Variants in BAZ1B observed in about 807,000 individuals in gnomAD.
BAZ1B encodes the protein bromodomain adjacent to zinc finger domain 1B.
BAZ1B carries 22 observed loss-of-function variants against 153.8 expected under a neutral mutation model. The observed-to-expected ratio is 0.14, with a 90% CI of 0.10 to 0.20. BAZ1B has a LOEUF of 0.20. Ranked by LOEUF, BAZ1B falls within the 10% of genes least tolerant of loss-of-function variation. The probability of loss-of-function intolerance (pLI) is 1.00; values close to 1 mark genes in which losing one functional copy is unlikely to be tolerated. For synonymous variants in BAZ1B, 676 were observed against 633.4 expected, an observed-to-expected ratio of 1.07 and a Z score of -1.01; for missense variants, 1,325 against 1,799.3, an observed-to-expected ratio of 0.74 and a Z score of 4.77.
intron 3 of BAZ1B, among the ~76,000 whole-genome samples, chr7:73,506,725 C>T (rs1790357951): frequency 6.8e-6 from 1 of 148,056 alleles, no homozygotes; most frequent in African/African-American, 2.5e-5. Flanking sequence ...GTGGCAGGCG[C>T]CTGTAGTCCC....
chr7:73,477,686 G>A lies in BAZ1B; in HGVS notation c.1775C>T (p.Ala592Val), dbSNP rs781920384. 76 of 1,614,056 alleles carry A rather than the reference G, an allele frequency of 4.7e-5. No individual in the cohort carries two copies. Among genetic ancestry groups the A allele is most frequent in the Non-Finnish European group, 6.4e-5 (75 of 1,180,036 alleles). ...DQELTGKNLP[A>V]FRLVDTPEGL... ...TTCAGGGGTATCCACCAATCTGAAT[G>A]CTGGAAGGTTTTTGCCAGTTAACTC... The change falls in exon 7 of 20, where the codon GCA (alanine) becomes GTA (valine). Residue 592 changes from alanine to valine, a missense_variant. This residue lies in a region of BAZ1B where 154 missense variants were observed against 266.3 expected (regional missense o/e 0.58). Coordinates refer to ENST00000339594, the MANE Select transcript of BAZ1B (RefSeq NM_032408.4). This position sits in a 1 kb window ranked among gnomAD's most constrained non-coding sequence, Gnocchi z 5.6.
intron 7 of BAZ1B, among the ~76,000 whole-genome samples, chr7:73,470,865 C>T (rs899680142): frequency 1.3e-5 from 2 of 152,126 alleles, no homozygotes; most frequent in East Asian, 1.9e-4. Context: ...CCTCCTGTGT[C>T]GCTGGACTAC....
intron 3 of BAZ1B, among the ~76,000 whole-genome samples, chr7:73,499,823 C>T (rs1790054295): frequency 6.6e-6 from 1 of 152,156 alleles, no homozygotes; most frequent in Non-Finnish European, 1.5e-5. Context: ...GAAATCTATC[C>T]TCTGATACTT....
In BAZ1B at chr7:73,477,421, T is replaced by C. The variant is rs782441374; in HGVS notation, c.2040A>G (p.Glu680=). Residue 680 remains glutamate, a synonymous_variant, in exon 7 of 20, where the codon GAA becomes GAG. Coordinates refer to ENST00000339594, the MANE Select transcript of BAZ1B (RefSeq NM_032408.4). This position sits in a 1 kb window ranked among gnomAD's most constrained non-coding sequence, Gnocchi z 5.6. ...DYGELGMKLS[E]IPLTLHSVSE... The stretch of plus-strand genomic sequence containing the variant: ...AAACAGAATGCAGAGTCAAGGGGAT[T>C]TCCGACAGCTTCATTCCCAATTCAC... 1 of 1,614,242 alleles carries C rather than the reference T, an allele frequency of 6.2e-7. No homozygotes were observed. Among genetic ancestry groups the C allele is most frequent in the South Asian group, 1.1e-5 (1 of 91,088 alleles).
At chr7:73,505,799 C>A (rs1174133978) in intron 3 of BAZ1B, among the ~76,000 whole-genome samples, 1 of 152,216 alleles carries the variant, frequency 6.6e-6, no homozygotes, top group Non-Finnish European at 1.5e-5. Context: ...GATCTGCCCA[C>A]CTTGGTCTCC....
At position 73,450,053 on chromosome 7, in the gene BAZ1B, T is replaced by TC. The variant is rs1491178610; in HGVS notation, c.3581-365_3581-364insG. 7.7e-6 allele frequency among the ~76,000 whole-genome samples: 1 copy of TC among 130,120 alleles called. No homozygotes were observed. Among genetic ancestry groups the TC allele is most frequent in the Admixed American group, 7.6e-5 (1 of 13,192 alleles). 85.4% of individuals were successfully genotyped at this position (130,120 alleles called of 152,430 possible). A position where few individuals can be genotyped will look rare whatever the true frequency, so the allele number is the denominator to read the frequency against. ...GCCTGATGAGTGTTCTCTCTCTCTC[T>TC]TTTTTTTTTTTGGAGACAGAGTCTT... On this transcript the variant is annotated intron_variant, in intron 14 of 19. Coordinates refer to ENST00000339594, the MANE Select transcript of BAZ1B (RefSeq NM_032408.4). This position sits in a 1 kb window ranked among gnomAD's most constrained non-coding sequence, Gnocchi z 4.1.
chr7:73,459,648 T>C lies in BAZ1B; in HGVS notation c.3320A>G (p.Lys1107Arg). 6.2e-7 allele frequency: 1 copy of C among 1,614,118 alleles called. No homozygotes were observed. Among genetic ancestry groups the C allele is most frequent in the Non-Finnish European group, 8.5e-7 (1 of 1,180,034 alleles). ...GGGAGCCATGAAGCCTTGGAGAAAT[T>C]TCTTTATGACACTGGCCTGAAGGGC... ...VIALQASVIK[K>R]FLQGFMAPKQ... Residue 1107 changes from lysine to arginine, a missense_variant, in exon 13 of 20, where the codon AAA becomes AGA. Lys to Arg is a conservative substitution (Grantham distance 26, BLOSUM62 2). This residue lies in a region of BAZ1B where 431 missense variants were observed against 563.5 expected (regional missense o/e 0.76). Coordinates refer to ENST00000339594, the MANE Select transcript of BAZ1B (RefSeq NM_032408.4).
At chr7:73,493,235 C>T (rs535916549) in intron 4 of BAZ1B, among the ~76,000 whole-genome samples, 4 of 151,934 alleles carry the variant, frequency 2.6e-5, no homozygotes, top group African/African-American at 7.2e-5. Flanking sequence ...CTGAGGGAGG[C>T]GGATCACCTG....
At chr7:73,510,422 G>A (rs1267888037) in intron 2 of BAZ1B, among the ~76,000 whole-genome samples, 1 of 152,076 alleles carries the variant, frequency 6.6e-6, no homozygotes, top group African/African-American at 2.4e-5. Context: ...GCGAGATTCC[G>A]TCTCAAAAAA....
At position 73,479,068 on chromosome 7, in the gene BAZ1B, T is replaced by C. The variant is rs563617129; in HGVS notation, c.892-499A>G. Among the ~76,000 whole-genome samples the C allele has an allele frequency of 2.0e-5, 3 of 150,860 alleles. No homozygotes were observed. In the Middle Eastern group the frequency reaches 0.01, roughly 513 times the overall value. ...TTATGCTTTTAAGTAGAAATGATAC[T>C]GTTTAAAGTACTTTTGTCTTAACTC... On this transcript the variant is annotated intron_variant, in intron 6 of 19. Transcript: ENST00000339594.
chr7:73,521,131 A>T (rs1791019850), intron 1 of BAZ1B, among the ~76,000 whole-genome samples: 1 of 152,212 alleles, frequency 6.6e-6, no homozygotes, highest in Non-Finnish European at 1.5e-5. Flanking sequence ...AACAAATACC[A>T]ATCTCCTTCT....
chr7:73,459,389 T>TA (rs372881709), intron 13 of BAZ1B, 147 bp downstream of exon 13: 75,484 of 604,674 alleles, frequency 0.12, 1 homozygote, highest in East Asian at 0.16. Flanking sequence ...AGAAAGTGAT[T>TA]AAAAAAAAAA....
intron 5 of BAZ1B, among the ~76,000 whole-genome samples, chr7:73,490,592 T>C (rs1249765021): frequency 1.3e-5 from 2 of 151,868 alleles, no homozygotes; most frequent in Non-Finnish European, 2.9e-5. Context: ...CTTAGGGAAG[T>C]GGTTAAAACT....
intron 13 of BAZ1B, among the ~76,000 whole-genome samples, chr7:73,454,167 A>T (rs1442518668): frequency 3.1e-5 from 4 of 130,966 alleles, no homozygotes; most frequent in African/African-American, 1.2e-4. Flanking sequence ...AATAAATAAA[A>T]ATTTAAAAAT....
chr7:73,502,584 A>C (rs1220055987), intron 3 of BAZ1B, among the ~76,000 whole-genome samples: 1 of 151,976 alleles, frequency 6.6e-6, no homozygotes, highest in African/African-American at 2.4e-5. Context: ...AAAATACAAA[A>C]ATTAGCCAGT....
At chr7:73,496,363 T>G (rs1223378980) in intron 4 of BAZ1B, among the ~76,000 whole-genome samples, 2 of 152,158 alleles carry the variant, frequency 1.3e-5, no homozygotes, top group Non-Finnish European at 2.9e-5. Context: ...TCTCAGAAGT[T>G]TGCTTCGAAC....
chr7:73,488,647 G>GGAGGTTGCAGTGAGCC (rs1563388010), intron 6 of BAZ1B, among the ~76,000 whole-genome samples: 2 of 151,290 alleles, frequency 1.3e-5, no homozygotes, highest in Non-Finnish European at 2.9e-5. Flanking sequence ...AGAAGGAGAA[G>GGAGGTTGCAGTGAGCC]GAGGTTGCAG....
Position 73,508,488 on chromosome 7 carries a change from A to G in BAZ1B, c.225-17T>C. ...TCCTTCAAACTAAATAAATGTAATT[A>G]GTTATCAAGAAAACACAGAAACACC... On this transcript the variant is annotated splice_polypyrimidine_tract_variant and intron_variant, in intron 2 of 19. Transcript: ENST00000339594. 1.9e-6 allele frequency: 3 copies of G among 1,591,166 alleles called. No individual in the cohort carries two copies. The highest frequency in any genetic ancestry group is 2.6e-6 in the Non-Finnish European group (3 of 1,168,658).
chr7:73,508,002 A>T (rs1026551304), intron 3 of BAZ1B, among the ~76,000 whole-genome samples: 2 of 151,654 alleles, frequency 1.3e-5, no homozygotes, highest in Non-Finnish European at 2.9e-5. Flanking sequence ...CAAAAATACA[A>T]AAAACTAGCC....
Sources: allele counts gnomAD v4.1 joint callset (sites outside exome capture counted in the v4.1 genomes callset), GRCh38; gene constraint gnomAD v4.1.1; regional missense constraint gnomAD v4.1.1; non-coding constraint Gnocchi (gnomAD v3.1); transcripts MANE v1.5; gene names NCBI Gene and HGNC (gene_info 2026-07-23, HGNC 2026-07-21).